Variants in FBXL7 observed in about 807,000 individuals in gnomAD.
FBXL7 encodes the protein F-box/LRR-repeat protein 7.
FBXL7 carries 12 observed loss-of-function variants against 38.3 expected under a neutral mutation model. The ratio of observed to expected loss-of-function variants is 0.31; its 90% confidence interval spans 0.20 to 0.51. The LOEUF (loss-of-function observed/expected upper bound fraction) is 0.51, where lower values mean the gene tolerates loss of function less well. Ranked by LOEUF, FBXL7 falls within the 20% of genes least tolerant of loss-of-function variation. FBXL7 has a pLI of 0.98. For synonymous variants in FBXL7, 297 were observed against 300.9 expected, an observed-to-expected ratio of 0.99 and a Z score of 0.13; for missense variants, 567 against 676.4, an observed-to-expected ratio of 0.84 and a Z score of 1.79.
rs150690512 is a variant in FBXL7, at chr5:15,777,416, A to T, written c.128-150474A>T. On this transcript the variant is annotated intron_variant, in intron 2 of 3. Transcript: ENST00000504595. ...ATATATGGATAACGTATTCCCTATCATCTACCTGTGTCTTTCTCTTAGTTG... is the reference window on the plus strand; with the variant it reads ...ATATATGGATAACGTATTCCCTATCTTCTACCTGTGTCTTTCTCTTAGTTG... 2.8e-4 allele frequency among the ~76,000 whole-genome samples: 43 copies of T among 152,204 alleles called. No individual in the cohort carries two copies. In the East Asian group the frequency reaches 8.1e-3, roughly 29 times the overall value.
At chr5:15,643,953 G>T (rs1054557886) in intron 2 of FBXL7, among the ~76,000 whole-genome samples, 8 of 152,080 alleles carry the variant, frequency 5.3e-5, no homozygotes, top group Non-Finnish European at 1.0e-4. Flanking sequence ...CAAGATAAAT[G>T]ATTTTTGAAT....
chr5:15,795,303 A>G (rs114733667), intron 2 of FBXL7, among the ~76,000 whole-genome samples: 3,129 of 152,254 alleles, frequency 0.021, 48 homozygotes, highest in Middle Eastern at 0.044. Flanking sequence ...AACTAGCAAG[A>G]TGTTTTCCGT....
intron 2 of FBXL7, among the ~76,000 whole-genome samples, chr5:15,814,271 T>C (rs1737949786): frequency 6.6e-6 from 1 of 152,132 alleles, no homozygotes; most frequent in Non-Finnish European, 1.5e-5. Context: ...GTTCGTGTCC[T>C]TCGCAGGGAC....
chr5:15,784,981 T>C (rs1050509423), intron 2 of FBXL7, among the ~76,000 whole-genome samples: 20 of 152,212 alleles, frequency 1.3e-4, no homozygotes, highest in African/African-American at 4.8e-4. Flanking sequence ...GGTATTCCTT[T>C]TCTTTTGTGT....
chr5:15,732,708 T>C (rs1236729619), intron 2 of FBXL7, among the ~76,000 whole-genome samples: 2 of 152,198 alleles, frequency 1.3e-5, no homozygotes, highest in Admixed American at 1.3e-4. Context: ...ATCCTCCTAT[T>C]TGGAACTACA....
At chr5:15,730,652 T>C (rs1735557469) in intron 2 of FBXL7, among the ~76,000 whole-genome samples, 1 of 152,238 alleles carries the variant, frequency 6.6e-6, no homozygotes, top group Admixed American at 6.5e-5. Flanking sequence ...GATATAATCA[T>C]ATCATTGTAT....
At chr5:15,530,809 A>G (rs924758580) in intron 1 of FBXL7, among the ~76,000 whole-genome samples, 1 of 152,144 alleles carries the variant, frequency 6.6e-6, no homozygotes, top group Admixed American at 6.5e-5. Flanking sequence ...CAGGAAAACA[A>G]CCCATGCTTT....
At chr5:15,812,666 A>G (rs913452500) in intron 2 of FBXL7, among the ~76,000 whole-genome samples, 25 of 152,154 alleles carry the variant, frequency 1.6e-4, no homozygotes, top group Non-Finnish European at 3.2e-4. Context: ...AATTCTGTAA[A>G]GAATGTCAGT....
chr5:15,854,665 A>G (rs78612657), intron 2 of FBXL7, among the ~76,000 whole-genome samples: 2,139 of 152,256 alleles, frequency 0.014, 45 homozygotes, highest in African/African-American at 0.047. Context: ...ATACTTTCTC[A>G]CGCACTCTCC....
At chr5:15,727,904 C>G (rs1226509128) in intron 2 of FBXL7, among the ~76,000 whole-genome samples, 1 of 152,026 alleles carries the variant, frequency 6.6e-6, no homozygotes, top group Non-Finnish European at 1.5e-5. Flanking sequence ...CTGGTTACTT[C>G]CATCGTTTTT....
intron 2 of FBXL7, among the ~76,000 whole-genome samples, chr5:15,834,081 G>T (rs754099221): frequency 2.6e-5 from 4 of 152,130 alleles, no homozygotes; most frequent in African/African-American, 4.8e-5. Flanking sequence ...GTATTTGTTA[G>T]TGTATTTTCT....
chr5:15,510,492 A>C (rs1009058742), intron 1 of FBXL7, among the ~76,000 whole-genome samples: 1 of 152,192 alleles, frequency 6.6e-6, no homozygotes, highest in Admixed American at 6.5e-5. Flanking sequence ...GTCTTAACAC[A>C]TTCCAGCTGT....
intron 2 of FBXL7, among the ~76,000 whole-genome samples, chr5:15,690,414 A>G (rs1029978846): frequency 6.6e-6 from 1 of 152,124 alleles, no homozygotes; most frequent in African/African-American, 2.4e-5. Flanking sequence ...TTTTTAGTTG[A>G]CACATAGTAA....
chr5:15,720,505 A>C (rs796900729), intron 2 of FBXL7, among the ~76,000 whole-genome samples: 2 of 148,782 alleles, frequency 1.3e-5, no homozygotes, highest in South Asian at 2.2e-4. Flanking sequence ...GGAAGCATGC[A>C]TACTGGTTGT....
In FBXL7 at chr5:15,529,204, C is replaced by T. The variant is rs186665208; in HGVS notation, c.37+28491C>T. Among the ~76,000 whole-genome samples the T allele has an allele frequency of 2.8e-4, 43 of 152,306 alleles. No individual in the cohort carries two copies. The East Asian group carries it at 7.5e-3, about 27-fold the overall frequency. ...TATGTGCCTGGCTTATTGCCCTTAA[C>T]ATAATATTCTCCAAGTTTATTCGTG... is the stretch of plus-strand genomic sequence containing the variant. On this transcript the variant is annotated intron_variant, in intron 1 of 3. Transcript: ENST00000504595.
At chr5:15,687,055 A>G (rs1385561048) in intron 2 of FBXL7, among the ~76,000 whole-genome samples, 2 of 152,230 alleles carry the variant, frequency 1.3e-5, no homozygotes, top group Non-Finnish European at 2.9e-5. Context: ...TGTGGATCCT[A>G]CATATTTAAG....
At chr5:15,873,428 GA>G (rs999923255) in intron 2 of FBXL7, among the ~76,000 whole-genome samples, 37 of 152,172 alleles carry the variant, frequency 2.4e-4, no homozygotes, top group African/African-American at 8.7e-4. Flanking sequence ...AGAACTGAGG[GA>G]GATAGAGACA....
At chr5:15,878,694 T>C (rs183254150) in intron 2 of FBXL7, among the ~76,000 whole-genome samples, 8 of 152,082 alleles carry the variant, frequency 5.3e-5, no homozygotes, top group South Asian at 2.1e-4. Context: ...GCTCATACAG[T>C]CAATTAAAGA....
At chr5:15,906,565 T>C (rs950494886) in intron 2 of FBXL7, among the ~76,000 whole-genome samples, 2 of 147,670 alleles carry the variant, frequency 1.4e-5, no homozygotes, top group Non-Finnish European at 3.0e-5. Context: ...GTGCATATTG[T>C]GCAGATTAGT....
Sources: gnomAD v4.1 joint callset for allele counts (sites outside exome capture counted in the v4.1 genomes callset) on GRCh38, gnomAD v4.1.1 for gene constraint, MANE v1.5 for transcripts, NCBI Gene and HGNC (gene_info 2026-07-23, HGNC 2026-07-21) for gene names.